PDZRN3: variants seen among roughly 807,000 people sequenced by gnomAD.
The protein encoded by PDZRN3 is PDZ domain containing ring finger 3.
A neutral mutation model predicts 85.7 loss-of-function variants in PDZRN3; 38 were observed. The observed-to-expected ratio is 0.44, with a 90% CI of 0.34 to 0.58. PDZRN3 has a LOEUF of 0.58. Ranked by LOEUF, PDZRN3 falls within the 20% of genes least tolerant of loss-of-function variation. PDZRN3 has a pLI of 0.01. For synonymous variants in PDZRN3, 759 were observed against 638.0 expected, an observed-to-expected ratio of 1.19 and a Z score of -2.86; for missense variants, 1,629 against 1,506.4, an observed-to-expected ratio of 1.08 and a Z score of -1.35.
chr3:73,483,835 G>A (rs1703613358), intron 3 of PDZRN3, among the ~76,000 whole-genome samples: 1 of 152,212 alleles, frequency 6.6e-6, no homozygotes, highest in African/African-American at 2.4e-5. Flanking sequence ...ACAGTGGGAA[G>A]TGGTGTGTGT....
chr3:73,438,948 C>A (rs1301056396), intron 3 of PDZRN3, among the ~76,000 whole-genome samples: 1 of 152,250 alleles, frequency 6.6e-6, no homozygotes, highest in African/African-American at 2.4e-5. Flanking sequence ...CACGTCTACA[C>A]ATAGGCCATG....
At chr3:73,390,189 A>T (rs1701492166) in intron 6 of PDZRN3, among the ~76,000 whole-genome samples, 1 of 152,214 alleles carries the variant, frequency 6.6e-6, no homozygotes, top group South Asian at 2.1e-4. Context: ...CAAATCAATG[A>T]TGTAGAACAG....
At chr3:73,589,586 A>G (rs1036079168) in intron 3 of PDZRN3, among the ~76,000 whole-genome samples, 2 of 152,210 alleles carry the variant, frequency 1.3e-5, no homozygotes, top group Non-Finnish European at 2.9e-5. Flanking sequence ...TACTAAGTCT[A>G]TCAAGCAAAT....
chr3:73,533,037 C>T (rs1370297843), intron 3 of PDZRN3, among the ~76,000 whole-genome samples: 1 of 152,158 alleles, frequency 6.6e-6, no homozygotes, highest in African/African-American at 2.4e-5. Context: ...GTCTTTAACT[C>T]AATGGGTCTT....
chr3:73,463,838 G>A (rs762669990), intron 3 of PDZRN3, among the ~76,000 whole-genome samples: 4 of 151,890 alleles, frequency 2.6e-5, no homozygotes, highest in African/African-American at 4.8e-5. Flanking sequence ...AATAACTAAT[G>A]GATAGTAGAC....
intron 3 of PDZRN3, chr3:73,569,154 G>C: frequency 7.8e-7 from 1 of 1,288,392 alleles, no homozygotes; most frequent in South Asian, 1.2e-5. Flanking sequence ...GCCTCACCTG[G>C]TTAATCATGT....
At position 73,624,289 on chromosome 3, in the gene PDZRN3, C is replaced by T. The variant is rs1702925980; in HGVS notation, c.537G>A (p.Ala179=). Residue 179 remains alanine (A), a synonymous_variant, in exon 1 of 10, where the codon GCG becomes GCA. Transcript: ENST00000263666. ...CCTCCTTCTTGAGCGCCTTGTGCAG[C>T]GCGCCCAGGCGGGCCTGGAGCGCGC... ...HNGALQARLG[A]LHKALKKEAL... The T allele has an allele frequency of 1.5e-6, 2 of 1,370,484 alleles. No individual in the cohort carries two copies. The highest frequency in any genetic ancestry group is 1.9e-6 in the Non-Finnish European group (2 of 1,070,358). 84.9% of individuals were successfully genotyped at this position (1,370,484 alleles called of 1,614,324 possible). A position where few individuals can be genotyped will look rare whatever the true frequency, so the allele number is the denominator to read the frequency against.
intron 5 of PDZRN3, 98 bp from the exon 6 acceptor site, chr3:73,391,214 G>C: frequency 1.3e-6 from 1 of 789,578 alleles, no homozygotes; most frequent in South Asian, 1.5e-5. Context: ...ATGAGGAACT[G>C]GATTTCTTTG....
intron 1 of PDZRN3, among the ~76,000 whole-genome samples, chr3:73,623,410 C>T (rs6549554): frequency 0.086 from 13,099 of 152,224 alleles, 1,669 homozygotes; most frequent in African/African-American, 0.28. Flanking sequence ...TTTCTGAAAT[C>T]CCTGGATGAA....
intron 3 of PDZRN3, among the ~76,000 whole-genome samples, chr3:73,426,370 C>T (rs6797484): frequency 0.35 from 53,641 of 151,904 alleles, 10,150 homozygotes; most frequent in East Asian, 0.74. Context: ...TCAGCTTATT[C>T]TTTATCACAA....
intron 6 of PDZRN3, 87 bp from the exon 7 acceptor site, chr3:73,389,965 G>A: frequency 1.1e-6 from 1 of 936,826 alleles, no homozygotes; most frequent in African/African-American, 1.6e-5. Context: ...CTAAAACACA[G>A]TCATGCTCAC....
At chr3:73,441,411 CAAAAAAA>C (rs10656791) in intron 3 of PDZRN3, among the ~76,000 whole-genome samples, 4 of 68,162 alleles carry the variant, frequency 5.9e-5, no homozygotes, top group African/African-American at 2.0e-4. Flanking sequence ...GACTCTGTCC[CAAAAAAA>C]AAAAAAAAAA....
At chr3:73,408,196 C>G in intron 3 of PDZRN3, 1 of 703,166 alleles carries the variant, frequency 1.4e-6, no homozygotes, top group East Asian at 2.7e-5. Context: ...TGGGATGAAG[C>G]CAGCGTTGGA....
At chr3:73,577,521 G>A (rs913409709) in intron 3 of PDZRN3, among the ~76,000 whole-genome samples, 1 of 152,112 alleles carries the variant, frequency 6.6e-6, no homozygotes, top group African/African-American at 2.4e-5. Flanking sequence ...TGTATAGAAT[G>A]GTTCTCTGGT....
intron 3 of PDZRN3, among the ~76,000 whole-genome samples, chr3:73,474,961 T>TAGAA (rs1703420077): frequency 6.6e-6 from 1 of 152,204 alleles, no homozygotes; most frequent in African/African-American, 2.4e-5. Context: ...CAGTCTTTTC[T>TAGAA]GCTCAAAGAG....
At chr3:73,386,425 C>T (rs1456931240) in intron 8 of PDZRN3, among the ~76,000 whole-genome samples, 1 of 151,904 alleles carries the variant, frequency 6.6e-6, no homozygotes, top group Non-Finnish European at 1.5e-5. Flanking sequence ...TCATCCTGAC[C>T]TCAAGTGAAC....
chr3:73,458,773 C>T (rs1232946370), intron 3 of PDZRN3, among the ~76,000 whole-genome samples: 8 of 151,376 alleles, frequency 5.3e-5, no homozygotes, highest in African/African-American at 1.7e-4. Context: ...AGGTAGATCA[C>T]GAGGTCAGGA....
In PDZRN3 at chr3:73,383,777, G is replaced by A. The variant is rs745814121; in HGVS notation, c.2789C>T (p.Thr930Met). 6.2e-7 allele frequency: 1 copy of A among 1,613,270 alleles called. No individual in the cohort carries two copies. ...CACGGGCCTCTTGGTGATGTAGCGC[G>A]TCCCGTCGCTGCGGATCTTCACCTT... ...EWKVKIRSDG[T>M]RYITKRPVRD... is the part of the protein sequence containing the mutation. Residue 930 changes from threonine to methionine, a missense_variant, in exon 10 of 10, where the codon ACG becomes ATG. Coordinates refer to ENST00000263666, the MANE Select transcript of PDZRN3 (RefSeq NM_015009.3).
intron 3 of PDZRN3, among the ~76,000 whole-genome samples, chr3:73,443,186 CTG>C (rs1702675563): frequency 6.6e-6 from 1 of 152,242 alleles, no homozygotes; most frequent in Non-Finnish European, 1.5e-5. Context: ...GAGCCAGACA[CTG>C]TTGTTTAGTG....
Sources: gnomAD v4.1 joint callset for allele counts (sites outside exome capture counted in the v4.1 genomes callset) on GRCh38, gnomAD v4.1.1 for gene constraint, MANE v1.5 for transcripts, NCBI Gene and HGNC (gene_info 2026-07-23, HGNC 2026-07-21) for gene names.